SHB: variants seen among roughly 807,000 people sequenced by gnomAD.
The protein encoded by SHB is SH2 domain-containing adapter protein B.
In SHB, 20 loss-of-function variants were observed where a neutral mutation model predicts 52.3. The ratio of observed to expected loss-of-function variants is 0.38; its 90% CI spans 0.27 to 0.56. The LOEUF (loss-of-function observed/expected upper bound fraction) is 0.56. Among genes scored for constraint, SHB ranks in the 20% least tolerant of loss-of-function variants. SHB has a pLI of 0.71. For missense variants in SHB, 825 were observed against 723.3 expected (o/e 1.14, Z -1.61); for synonymous variants, 397 against 316.5 (o/e 1.25, Z -2.70).
chr9:38,065,046 T>C (rs1291743375), intron 1 of SHB, among the ~76,000 whole-genome samples: 1 of 151,918 alleles, frequency 6.6e-6, no homozygotes, highest in African/African-American at 2.4e-5. Flanking sequence ...GGCTGGGAGG[T>C]TGAGGCTGCA....
At chr9:38,060,243 C>T (rs1433372147) in intron 1 of SHB, among the ~76,000 whole-genome samples, 4 of 152,070 alleles carry the variant, frequency 2.6e-5, no homozygotes, top group Non-Finnish European at 2.9e-5. Flanking sequence ...GGCCTGATCT[C>T]GGCTCACTAC....
chr9:38,028,000 C>T (rs1249014263), intron 1 of SHB, among the ~76,000 whole-genome samples: 3 of 152,022 alleles, frequency 2.0e-5, no homozygotes, highest in African/African-American at 4.8e-5. Flanking sequence ...GCTCCTACCC[C>T]GGATCTCACA....
chr9:37,948,577 C>T (rs1832521249), intron 5 of SHB, 58 bp downstream of exon 5: 2 of 1,592,966 alleles, frequency 1.3e-6, no homozygotes, highest in Non-Finnish European at 1.7e-6. Context: ...GACACGGTGG[C>T]CGGCTGCGCT....
intron 1 of SHB, among the ~76,000 whole-genome samples, chr9:38,064,695 A>C (rs1821938753): frequency 6.6e-6 from 1 of 152,222 alleles, no homozygotes; most frequent in South Asian, 2.1e-4. Context: ...ATCATGGACA[A>C]GTCTCCTGCA....
intron 1 of SHB, among the ~76,000 whole-genome samples, chr9:38,026,460 C>G (rs535936408): frequency 1.1e-4 from 17 of 152,366 alleles, no homozygotes; most frequent in African/African-American, 3.8e-4. Context: ...ACATTTCCCA[C>G]AGGGGAGCTA....
At chr9:38,053,303 T>A (rs186221431) in intron 1 of SHB, among the ~76,000 whole-genome samples, 1 of 152,152 alleles carries the variant, frequency 6.6e-6, no homozygotes, top group Non-Finnish European at 1.5e-5. Flanking sequence ...AGTGGTGCGA[T>A]CTCAGCTCAC....
intron 2 of SHB, among the ~76,000 whole-genome samples, chr9:38,011,292 G>A (rs369715571): frequency 1.1e-4 from 17 of 152,284 alleles, no homozygotes; most frequent in South Asian, 6.2e-4. Context: ...ACCCAGAAAC[G>A]CTCTGGTACT....
chr9:38,058,215 C>A (rs1262223531), intron 1 of SHB, among the ~76,000 whole-genome samples: 3 of 152,362 alleles, frequency 2.0e-5, no homozygotes, highest in African/African-American at 7.2e-5. Flanking sequence ...TCCCATGAGG[C>A]CTCCTCTTCC....
chr9:38,044,826 T>C (rs565474602), intron 1 of SHB, among the ~76,000 whole-genome samples: 1 of 152,308 alleles, frequency 6.6e-6, no homozygotes, highest in South Asian at 2.1e-4. Context: ...CACTCTGGGG[T>C]CAGGCCCCGT....
chr9:37,962,570 G>A (rs1832704862), intron 3 of SHB, among the ~76,000 whole-genome samples: 1 of 151,352 alleles, frequency 6.6e-6, no homozygotes, highest in Non-Finnish European at 1.5e-5. Flanking sequence ...GCAGTAGCAC[G>A]ATCATAGCTC....
Position 38,015,577 on chromosome 9 carries a change from T to C in SHB, c.838+434A>G, listed in dbSNP as rs182326785. 1,385 of 664,360 alleles carry C rather than the reference T, an allele frequency of 2.1e-3. 2 individuals are homozygous for C. Among genetic ancestry groups the C allele is most frequent in the Admixed American group, 3.2e-3 (148 of 45,730 alleles). 41.2% of individuals were successfully genotyped at this position (664,360 alleles called of 1,614,324 possible). ...AATAATTTTGTCTCTACTAGTAATC[T>C]GGCCAGCTCTCTTCTACTAAGCAAC... On this transcript the variant is annotated intron_variant, in intron 2 of 5. Coordinates refer to ENST00000377707, the MANE Select transcript of SHB (RefSeq NM_003028.3).
intron 3 of SHB, among the ~76,000 whole-genome samples, chr9:37,971,470 T>C (rs577832674): frequency 1.3e-5 from 2 of 152,238 alleles, no homozygotes; most frequent in Non-Finnish European, 2.9e-5. Flanking sequence ...ATGGACTCTG[T>C]CCACAGACAT....
At chr9:37,929,043 G>T (rs567525246) in intron 5 of SHB, among the ~76,000 whole-genome samples, 440 of 152,376 alleles carry the variant, frequency 2.9e-3, no homozygotes, top group African/African-American at 9.8e-3. Context: ...GGGCTGGAGA[G>T]GGGGGTGGGC....
chr9:37,957,930 T>C (rs954350511), intron 3 of SHB, among the ~76,000 whole-genome samples: 1 of 152,154 alleles, frequency 6.6e-6, no homozygotes, highest in Non-Finnish European at 1.5e-5. Context: ...GGACTGTGCC[T>C]AGAGTGAGAC....
intron 2 of SHB, among the ~76,000 whole-genome samples, chr9:38,000,983 T>C (rs1423950013): frequency 2.0e-5 from 3 of 152,100 alleles, no homozygotes; most frequent in Non-Finnish European, 4.4e-5. Context: ...CTCGCCAGGG[T>C]GGTGTGAGAA....
intron 5 of SHB, among the ~76,000 whole-genome samples, chr9:37,922,942 G>T (rs912750462): frequency 1.3e-5 from 2 of 152,170 alleles, no homozygotes; most frequent in Non-Finnish European, 2.9e-5. Context: ...CTGCAGGAAG[G>T]GGTCTGCAAG....
intron 2 of SHB, among the ~76,000 whole-genome samples, chr9:38,011,015 G>C (rs998168364): frequency 1.3e-5 from 2 of 152,230 alleles, no homozygotes; most frequent in African/African-American, 4.8e-5. Context: ...ATGGGCATCA[G>C]GATCACAGGC....
At chr9:37,960,405 T>C (rs892721286) in intron 3 of SHB, among the ~76,000 whole-genome samples, 2 of 152,170 alleles carry the variant, frequency 1.3e-5, no homozygotes, top group African/African-American at 4.8e-5. Context: ...CGTGAGTCAT[T>C]AGAATGACAG....
In SHB at chr9:37,919,770, G is replaced by A; in HGVS notation, c.*51C>T. The A allele has an allele frequency of 6.6e-7, 1 of 1,509,190 alleles. No individual in the cohort carries two copies. The highest frequency in any genetic ancestry group is 9.2e-7 in the Non-Finnish European group (1 of 1,092,150). 93.5% of individuals were successfully genotyped at this position (1,509,190 alleles called of 1,614,324 possible). A position where few individuals can be genotyped will look rare whatever the true frequency, so the allele number is the denominator to read the frequency against. On this transcript the variant is annotated 3_prime_UTR_variant, in exon 6 of 6. Coordinates refer to ENST00000377707, the MANE Select transcript of SHB (RefSeq NM_003028.3). ...CTGGGCTGGTTGGTGGGGGGCCTCTGGCACCTCCAAGTCTCAGGCTCTGTC... is the reference window on the plus strand; with the variant it reads ...CTGGGCTGGTTGGTGGGGGGCCTCTAGCACCTCCAAGTCTCAGGCTCTGTC...
Sources: gnomAD v4.1 joint callset for allele counts (sites outside exome capture counted in the v4.1 genomes callset) on GRCh38, gnomAD v4.1.1 for gene constraint, MANE v1.5 for transcripts, NCBI Gene and HGNC (gene_info 2026-07-23, HGNC 2026-07-21) for gene names.